The following POM121 variants were observed in gnomAD, a reference collection of about 807,000 sequenced individuals.
POM121 encodes the protein POM121 transmembrane nucleoporin.
In POM121, 32 loss-of-function variants were observed where a neutral mutation model predicts 81.3. The ratio of observed to expected loss-of-function variants is 0.39; its 90% CI spans 0.30 to 0.53. The LOEUF is 0.53. Ranked by LOEUF, POM121 falls within the 20% of genes least tolerant of loss-of-function variation. POM121 has a pLI of 0.66. For missense variants in POM121, 1,138 were observed against 1,614.6 expected (o/e 0.70, Z 5.06); for synonymous variants, 514 against 694.2 (o/e 0.74, Z 4.08).
downstream of POM121, chr7:72,948,776 C>T (rs1195137671): frequency 4.3e-5 from 68 of 1,580,802 alleles, 1 homozygote; most frequent in African/African-American, 1.8e-4. Flanking sequence ...GCTCAGGCCT[C>T]GGTGGGGCCG....
chr7:72,934,001 A>G (rs1554499021), intron 5 of POM121, among the ~76,000 whole-genome samples: 1 of 152,258 alleles, frequency 6.6e-6, no homozygotes, highest in East Asian at 1.9e-4. Context: ...TTTAATATGC[A>G]TAAAATAATT....
intron 1 of POM121, among the ~76,000 whole-genome samples, chr7:72,889,952 C>G (rs1324428132): frequency 6.6e-6 from 1 of 152,200 alleles, no homozygotes; most frequent in East Asian, 1.9e-4. Context: ...GTCTGTGAAG[C>G]CTAATCTGAT....
chr7:72,911,489 G>A (rs1298947321), intron 3 of POM121, among the ~76,000 whole-genome samples: 1 of 152,176 alleles, frequency 6.6e-6, no homozygotes, highest in Non-Finnish European at 1.5e-5. Flanking sequence ...CATGTTGATT[G>A]TGTCTCATGT....
chr7:72,901,764 A>T (rs1430903159), intron 3 of POM121, among the ~76,000 whole-genome samples: 1 of 151,954 alleles, frequency 6.6e-6, no homozygotes, highest in Non-Finnish European at 1.5e-5. Flanking sequence ...CAGCCTTCCA[A>T]GGTGCTGGGA....
downstream of POM121, chr7:72,950,295 G>A (rs1465604446): frequency 1.2e-5 from 12 of 1,038,304 alleles, no homozygotes; most frequent in African/African-American, 3.3e-5. Flanking sequence ...CCACAGCTAT[G>A]GAGAAATCAA....
At chr7:72,939,200 T>A (rs1216345777) in intron 6 of POM121, 136 bp from the exon 7 acceptor site, 14 of 1,287,286 alleles carry the variant, frequency 1.1e-5, no homozygotes, top group South Asian at 4.7e-5. Flanking sequence ...TGACTTTTTT[T>A]ATCCTGGCAT....
intron 1 of POM121, among the ~76,000 whole-genome samples, chr7:72,882,533 T>G (rs1318077197): frequency 6.6e-6 from 1 of 152,232 alleles, no homozygotes; most frequent in African/African-American, 2.4e-5. Flanking sequence ...TGCTGACTTA[T>G]GGCTTATTCT....
At chr7:72,905,738 T>G (rs1554493336) in intron 3 of POM121, among the ~76,000 whole-genome samples, 1 of 152,150 alleles carries the variant, frequency 6.6e-6, no homozygotes, top group Non-Finnish European at 1.5e-5. Context: ...TTCTGGTAAA[T>G]CTTGCTGAAT....
intron 3 of POM121, among the ~76,000 whole-genome samples, chr7:72,911,974 G>T (rs1283318817): frequency 3.3e-5 from 5 of 152,184 alleles, no homozygotes; most frequent in African/African-American, 1.2e-4. Flanking sequence ...TCACTGCAGC[G>T]TTGACTTCCT....
chr7:72,941,271 C>T (rs542451135), intron 10 of POM121, among the ~76,000 whole-genome samples: 4 of 152,314 alleles, frequency 2.6e-5, no homozygotes, highest in South Asian at 2.1e-4. Flanking sequence ...CTTCCCTGTG[C>T]GGCACCTCTG....
chr7:72,935,032 T>C (rs138268819), intron 5 of POM121, among the ~76,000 whole-genome samples: 2,414 of 150,656 alleles, frequency 0.016, 51 homozygotes, highest in African/African-American at 0.056. Flanking sequence ...GATCAACTTG[T>C]CAATTTCCAC....
chr7:72,910,184 G>T (rs1793666033), intron 3 of POM121, among the ~76,000 whole-genome samples: 2 of 152,210 alleles, frequency 1.3e-5, no homozygotes, highest in Admixed American at 6.6e-5. Context: ...GATTTTCAAT[G>T]CGAAAATAAA....
At chr7:72,911,617 T>C (rs1169217374) in intron 3 of POM121, among the ~76,000 whole-genome samples, 2 of 152,182 alleles carry the variant, frequency 1.3e-5, no homozygotes, top group African/African-American at 4.8e-5. Context: ...CAGATCTTCT[T>C]CCTCATTTCG....
In POM121 at chr7:72,927,602, C is replaced by T. The variant is rs534112067; in HGVS notation, c.1022+639C>T. ...GTGGGCGCCTGTGATCCCAGCTACT[C>T]GGAAGGCTGAGACAGGAGAATTGCT... On this transcript the variant is annotated intron_variant, in intron 3 of 12. Coordinates refer to ENST00000434423, the MANE Select transcript of POM121 (RefSeq NM_001387691.1). Among the ~76,000 whole-genome samples the T allele has an allele frequency of 1.6e-3, 239 of 151,810 alleles. 3 individuals carry two copies. The highest frequency in any genetic ancestry group is 4.3e-4 in the Non-Finnish European group (29 of 67,974).
chr7:72,945,556 C>T, intron 11 of POM121, 30 bp from the exon 12 acceptor site: 1 of 1,612,910 alleles, frequency 6.2e-7, no homozygotes, highest in Non-Finnish European at 8.5e-7. Context: ...CCTCTGCTCA[C>T]TGGCCAGCTC....
chr7:72,883,352 C>G (rs543487962), intron 1 of POM121, among the ~76,000 whole-genome samples: 1 of 152,338 alleles, frequency 6.6e-6, no homozygotes, highest in East Asian at 1.9e-4. Flanking sequence ...TGTATTCTCA[C>G]TGTATTGCTC....
intron 3 of POM121, among the ~76,000 whole-genome samples, chr7:72,904,285 G>A (rs1490976838): frequency 2.0e-5 from 3 of 152,330 alleles, no homozygotes; most frequent in Middle Eastern, 3.4e-3. Context: ...TTCAGTACCC[G>A]AATTTCCCAT....
At chr7:72,905,196 A>G (rs1554493227) in intron 3 of POM121, among the ~76,000 whole-genome samples, 1 of 152,154 alleles carries the variant, frequency 6.6e-6, no homozygotes, top group African/African-American at 2.4e-5. Context: ...ATTTTTGCTG[A>G]TATCAGTCAA....
At chr7:72,902,694 A>G (rs1488055232) in intron 3 of POM121, among the ~76,000 whole-genome samples, 3 of 151,800 alleles carry the variant, frequency 2.0e-5, no homozygotes, top group African/African-American at 7.3e-5. Context: ...ACACTTGGCT[A>G]ATTGTTTGTA....
Sources: gnomAD v4.1 joint callset for allele counts (sites outside exome capture counted in the v4.1 genomes callset) on GRCh38, gnomAD v4.1.1 for gene constraint, MANE v1.5 for transcripts, NCBI Gene and HGNC (gene_info 2026-07-23, HGNC 2026-07-21) for gene names.